Variants in CNTNAP5 observed in about 807,000 individuals in gnomAD.
CNTNAP5 encodes the protein contactin-associated protein-like 5.
A neutral mutation model predicts 150.2 loss-of-function variants in CNTNAP5; 72 were observed. That is an observed-to-expected ratio of 0.48 (90% CI 0.40 to 0.58). The LOEUF (loss-of-function observed/expected upper bound fraction) is 0.58. CNTNAP5 is among the 20% of genes least tolerant of loss of function. The pLI is 0.00. For synonymous variants in CNTNAP5, 672 were observed against 619.8 expected (o/e 1.08, Z -1.25); for missense variants, 1,636 against 1,626.2 (o/e 1.01, Z -0.10).
At chr2:124,035,994 G>A (rs570689661) in intron 1 of CNTNAP5, among the ~76,000 whole-genome samples, 4 of 131,328 alleles carry the variant, frequency 3.0e-5, no homozygotes, top group Non-Finnish European at 6.1e-5. Context: ...GCGCAATCTC[G>A]GCTCACTGCA....
intron 12 of CNTNAP5, among the ~76,000 whole-genome samples, chr2:124,640,981 C>T (rs1196977258): frequency 6.6e-6 from 1 of 151,890 alleles, no homozygotes; most frequent in Non-Finnish European, 1.5e-5. Context: ...ACAAAATTAG[C>T]TGGGCGTGGT....
chr2:124,274,611 T>A (rs1573883916), intron 3 of CNTNAP5, among the ~76,000 whole-genome samples: 1 of 152,190 alleles, frequency 6.6e-6, no homozygotes, highest in Non-Finnish European at 1.5e-5. Context: ...CAGAGAGGAA[T>A]GTTTGCATGT....
At chr2:124,311,782 G>C (rs1558845336) in intron 3 of CNTNAP5, among the ~76,000 whole-genome samples, 1 of 152,166 alleles carries the variant, frequency 6.6e-6, no homozygotes, top group African/African-American at 2.4e-5. Context: ...CTGTCTATAT[G>C]ATGAACTCTA....
chr2:124,763,933 C>A, intron 15 of CNTNAP5, 44 bp from the exon 16 acceptor site: 1 of 1,601,262 alleles, frequency 6.2e-7, no homozygotes, highest in Non-Finnish European at 8.5e-7. Context: ...TCCCATACCC[C>A]ACTGAAAACG....
chr2:124,295,990 A>G (rs1688420113), intron 3 of CNTNAP5, among the ~76,000 whole-genome samples: 1 of 152,238 alleles, frequency 6.6e-6, no homozygotes, highest in Admixed American at 6.5e-5. Flanking sequence ...GCAGTATATT[A>G]TGTTTGCATA....
intron 13 of CNTNAP5, among the ~76,000 whole-genome samples, chr2:124,717,239 C>T (rs1468419307): frequency 1.3e-5 from 2 of 152,012 alleles, no homozygotes; most frequent in African/African-American, 4.8e-5. Context: ...CTGTGTTGGG[C>T]CATGATGAAG....
chr2:124,896,562 C>T (rs575356911), intron 21 of CNTNAP5, among the ~76,000 whole-genome samples: 1 of 150,998 alleles, frequency 6.6e-6, no homozygotes, highest in Non-Finnish European at 1.5e-5. Flanking sequence ...TCTTTTGAGA[C>T]AATTTTGCTC....
intron 13 of CNTNAP5, among the ~76,000 whole-genome samples, chr2:124,701,255 C>T (rs1679514950): frequency 6.6e-6 from 1 of 152,044 alleles, no homozygotes; most frequent in Non-Finnish European, 1.5e-5. Context: ...TAGGATCTAC[C>T]TATAAGTGAG....
At chr2:124,298,828 T>C (rs1482976351) in intron 3 of CNTNAP5, among the ~76,000 whole-genome samples, 2 of 152,214 alleles carry the variant, frequency 1.3e-5, no homozygotes, top group Admixed American at 6.5e-5. Context: ...CCAGCCTTTT[T>C]GTAAGGACAC....
In CNTNAP5 at chr2:124,059,864, G is replaced by A. The variant is rs566917556; in HGVS notation, c.82+34132G>A. Among the ~76,000 whole-genome samples, 38 of 152,218 alleles carry A rather than the reference G, an allele frequency of 2.5e-4. 2 individuals are homozygous for A. In the South Asian group the frequency reaches 7.7e-3, roughly 31 times the overall value. On this transcript the variant is annotated intron_variant, in intron 1 of 23. Coordinates refer to ENST00000682447, the MANE Select transcript of CNTNAP5 (RefSeq NM_001367498.1). ...GAGTGTATGCTCAGTATATAAAAAT[G>A]TCTCATGGATTCTAGTTTTAGAATT... is the stretch of plus-strand genomic sequence containing the variant.
chr2:124,167,206 G>C (rs962017466), intron 1 of CNTNAP5, among the ~76,000 whole-genome samples: 1 of 152,122 alleles, frequency 6.6e-6, no homozygotes, highest in Admixed American at 6.6e-5. Flanking sequence ...TTACTTTTAA[G>C]TGATGTTCTC....
intron 3 of CNTNAP5, among the ~76,000 whole-genome samples, chr2:124,361,863 T>C (rs2104715866): frequency 6.6e-6 from 1 of 152,256 alleles, no homozygotes; most frequent in South Asian, 2.1e-4. Context: ...AGCTGCTTTG[T>C]TTACCTAAGC....
intron 1 of CNTNAP5, among the ~76,000 whole-genome samples, chr2:124,109,716 C>A (rs1299700129): frequency 6.8e-6 from 1 of 146,498 alleles, no homozygotes; most frequent in African/African-American, 2.5e-5. Flanking sequence ...CCCCCATGCA[C>A]CTTGGTAGCC....
intron 5 of CNTNAP5, among the ~76,000 whole-genome samples, chr2:124,444,460 TG>T (rs1204726285): frequency 1.3e-5 from 2 of 151,990 alleles, no homozygotes; most frequent in Admixed American, 6.6e-5. Flanking sequence ...CCTCATGTGG[TG>T]GCCTGCGCCT....
intron 6 of CNTNAP5, among the ~76,000 whole-genome samples, chr2:124,471,764 T>C (rs1190648693): frequency 6.6e-6 from 1 of 152,140 alleles, no homozygotes; most frequent in Non-Finnish European, 1.5e-5. Context: ...TTGACAGTTT[T>C]TAACATGAAG....
chr2:124,635,136 G>T (rs1442979307), intron 12 of CNTNAP5, among the ~76,000 whole-genome samples: 1 of 152,116 alleles, frequency 6.6e-6, no homozygotes, highest in Non-Finnish European at 1.5e-5. Context: ...AGTTCCACAG[G>T]CTGTACAGGA....
At chr2:124,469,966 G>A (rs7587035) in intron 6 of CNTNAP5, among the ~76,000 whole-genome samples, 70,192 of 151,852 alleles carry the variant, frequency 0.46, 16,351 homozygotes, top group Middle Eastern at 0.59. Context: ...TTCTTTATCC[G>A]GTCTATCATT....
intron 1 of CNTNAP5, among the ~76,000 whole-genome samples, chr2:124,121,626 T>G (rs1350848568): frequency 6.6e-6 from 1 of 152,110 alleles, no homozygotes; most frequent in Non-Finnish European, 1.5e-5. Flanking sequence ...TAAATTAGGC[T>G]TTAAGAGGCT....
chr2:124,581,816 A>G (rs1413835098), intron 11 of CNTNAP5, among the ~76,000 whole-genome samples: 2 of 152,168 alleles, frequency 1.3e-5, no homozygotes, highest in Non-Finnish European at 2.9e-5. Context: ...GTATATGCAC[A>G]TGACGCATCC....
Sources: allele counts gnomAD v4.1 joint callset (sites outside exome capture counted in the v4.1 genomes callset), GRCh38; gene constraint gnomAD v4.1.1; transcripts MANE v1.5; gene names NCBI Gene and HGNC (gene_info 2026-07-23, HGNC 2026-07-21).